LINGO2: variants seen among roughly 807,000 people sequenced by gnomAD.
LINGO2 encodes leucine rich repeat and Ig domain containing 2, also known as leucine-rich repeat and immunoglobulin-like domain-containing nogo receptor-interacting protein 2.
A neutral mutation model predicts 30.6 loss-of-function variants in LINGO2; 14 were observed. The observed-to-expected ratio is 0.46, with a 90% CI of 0.30 to 0.72. The LOEUF is 0.72. Ranked by LOEUF, LINGO2 falls within the 30% of genes least tolerant of loss-of-function variation. The pLI is 0.07. For synonymous variants in LINGO2, 317 were observed against 288.5 expected (o/e 1.10, Z -1.00); for missense variants, 729 against 751.7 (o/e 0.97, Z 0.35).
At chr9:28,489,542 G>T in intron 1 of LINGO2, among the ~76,000 whole-genome samples, 1 of 152,048 alleles carries the variant, frequency 6.6e-6, no homozygotes, top group East Asian at 1.9e-4. Flanking sequence ...TTGTTCTCTT[G>T]TCTGTTCTTG....
chr9:29,135,944 C>T, the LINGO2 span, among the ~76,000 whole-genome samples: 6 of 152,124 alleles, frequency 3.9e-5, no homozygotes, highest in South Asian at 6.2e-4. Context: ...TCATAGCATG[C>T]GTCAGGAATT....
intron 2 of LINGO2, among the ~76,000 whole-genome samples, chr9:28,411,082 T>C (rs1376607563): frequency 6.6e-6 from 1 of 152,106 alleles, no homozygotes; most frequent in East Asian, 1.9e-4. Flanking sequence ...GAACTTATCC[T>C]TTTTCCTTTA....
chr9:28,473,779 A>T (rs1400454522), intron 2 of LINGO2, among the ~76,000 whole-genome samples: 1 of 152,160 alleles, frequency 6.6e-6, no homozygotes, highest in African/African-American at 2.4e-5. Context: ...TTAGCAATGT[A>T]GAGTCTTCCC....
intron 2 of LINGO2, among the ~76,000 whole-genome samples, chr9:28,383,286 G>GTGTT (rs1821433150): frequency 6.6e-6 from 1 of 151,556 alleles, no homozygotes; most frequent in Non-Finnish European, 1.5e-5. Context: ...GTGTGTGTGT[G>GTGTT]TGTGTAAGAT....
chr9:28,273,987 C>T (rs908180641), intron 4 of LINGO2, among the ~76,000 whole-genome samples: 5 of 152,030 alleles, frequency 3.3e-5, no homozygotes, highest in African/African-American at 7.2e-5. Context: ...TATAATGGCA[C>T]AGACTGAGCA....
intron 1 of LINGO2, among the ~76,000 whole-genome samples, chr9:28,548,854 A>G (rs187668806): frequency 1.0e-3 from 159 of 152,056 alleles, no homozygotes; most frequent in Admixed American, 6.0e-3. Flanking sequence ...AACTTCACCC[A>G]AGGGATATTA....
At chr9:28,878,491 G>A in the LINGO2 span, among the ~76,000 whole-genome samples, 1 of 152,092 alleles carries the variant, frequency 6.6e-6, no homozygotes, top group Non-Finnish European at 1.5e-5. Flanking sequence ...CATTTTATGA[G>A]GCCAGCATCA....
At chr9:28,210,541 C>G (rs1205557184) in intron 4 of LINGO2, among the ~76,000 whole-genome samples, 1 of 151,584 alleles carries the variant, frequency 6.6e-6, no homozygotes, top group African/African-American at 2.4e-5. Flanking sequence ...TTACAATTAA[C>G]AGCAAGTTTT....
intron 2 of LINGO2, among the ~76,000 whole-genome samples, chr9:28,432,657 C>T (rs1253340870): frequency 6.6e-6 from 1 of 152,074 alleles, no homozygotes; most frequent in Admixed American, 6.6e-5. Context: ...GCTTTCAGAT[C>T]TGAATTCTGT....
chr9:28,826,648 G>T, the LINGO2 span, among the ~76,000 whole-genome samples: 1 of 152,192 alleles, frequency 6.6e-6, no homozygotes, highest in Non-Finnish European at 1.5e-5. Context: ...TGACATCCAT[G>T]TCTAGGTAGG....
the LINGO2 span, among the ~76,000 whole-genome samples, chr9:28,708,084 CT>C: frequency 6.6e-6 from 1 of 151,994 alleles, no homozygotes; most frequent in African/African-American, 2.4e-5. Context: ...AATTCTAAGT[CT>C]ACTAAATGGA....
the LINGO2 span, among the ~76,000 whole-genome samples, chr9:28,723,917 C>T: frequency 2.0e-5 from 3 of 151,086 alleles, no homozygotes; most frequent in Non-Finnish European, 4.4e-5. Context: ...GTTTCAGATG[C>T]AAAAAGAAAA....
chr9:28,651,389 C>G (rs1828096258), intron 1 of LINGO2, among the ~76,000 whole-genome samples: 2 of 152,046 alleles, frequency 1.3e-5, no homozygotes, highest in Non-Finnish European at 2.9e-5. Flanking sequence ...GATTAATAAA[C>G]AGTAGGACAA....
At chr9:28,964,805 TA>T in the LINGO2 span, among the ~76,000 whole-genome samples, 2 of 151,888 alleles carry the variant, frequency 1.3e-5, no homozygotes, top group African/African-American at 4.8e-5. Context: ...GAGAACAAGA[TA>T]AAAAGTTTAG....
At chr9:29,122,920 CAAACTT>C in the LINGO2 span, among the ~76,000 whole-genome samples, 1 of 152,098 alleles carries the variant, frequency 6.6e-6, no homozygotes, top group Admixed American at 6.6e-5. Context: ...CAGTGTGTCT[CAAACTT>C]AAAGATACAT....
At chr9:28,663,402 C>T (rs2136017230) in intron 1 of LINGO2, among the ~76,000 whole-genome samples, 1 of 152,202 alleles carries the variant, frequency 6.6e-6, no homozygotes, top group East Asian at 1.9e-4. Context: ...AACTCCTGAC[C>T]TCAGATGATC....
At chr9:28,359,388 C>A (rs1220011562) in intron 3 of LINGO2, among the ~76,000 whole-genome samples, 1 of 151,974 alleles carries the variant, frequency 6.6e-6, no homozygotes, top group Non-Finnish European at 1.5e-5. Flanking sequence ...TTCTTCATTG[C>A]CAAACACAAA....
intron 2 of LINGO2, among the ~76,000 whole-genome samples, chr9:28,385,921 A>G (rs1240683896): frequency 6.6e-6 from 1 of 152,166 alleles, no homozygotes; most frequent in Non-Finnish European, 1.5e-5. Context: ...TTCAATATAT[A>G]TCTTCTTACA....
At chr9:28,699,303 G>A in the LINGO2 span, among the ~76,000 whole-genome samples, 3,046 of 152,060 alleles carry the variant, frequency 0.02, 52 homozygotes, top group Middle Eastern at 0.061. Context: ...CAGGGACCCC[G>A]AATGAAGGGA....
Sources: allele counts gnomAD v4.1 joint callset (sites outside exome capture counted in the v4.1 genomes callset), GRCh38; gene constraint gnomAD v4.1.1; transcripts MANE v1.5; gene names NCBI Gene and HGNC (gene_info 2026-07-23, HGNC 2026-07-21).